SFRP4: variants seen among roughly 807,000 people sequenced by gnomAD.
SFRP4 encodes the protein secreted frizzled related protein 4, also known as secreted frizzled-related protein 4.
SFRP4 carries 25 observed loss-of-function variants against 36.3 expected under a neutral mutation model. That is an observed-to-expected ratio of 0.69 (90% CI 0.50 to 0.96). SFRP4 has a LOEUF of 0.96. Ranked by LOEUF, SFRP4 falls within the 40% of genes least tolerant of loss-of-function variation. The pLI, the probability that SFRP4 is intolerant of heterozygous loss-of-function variation, is 0.00. For missense variants in SFRP4, 487 were observed against 459.6 expected (o/e 1.06, Z -0.54); for synonymous variants, 182 against 168.8 (o/e 1.08, Z -0.60).
chr7:37,914,293 A>G lies in SFRP4; in HGVS notation c.527-15T>C, dbSNP rs759259781. The G allele has an allele frequency of 1.4e-5, 23 of 1,613,996 alleles. No homozygotes were observed. The highest frequency in any genetic ancestry group is 1.9e-5 in the Non-Finnish European group (22 of 1,179,906). ...CTTGCACCGATCTAAAAAAGGCAGAAGAGGCAGAAAGTTGGAAAAAGAACA... is the reference window on the plus strand; with the variant it reads ...CTTGCACCGATCTAAAAAAGGCAGAGGAGGCAGAAAGTTGGAAAAAGAACA... On this transcript the variant is annotated splice_polypyrimidine_tract_variant and intron_variant, in intron 2 of 5. Transcript: ENST00000436072.
At chr7:37,909,913 A>T (rs1348085477) in intron 4 of SFRP4, 1 of 282,862 alleles carries the variant, frequency 3.5e-6, no homozygotes, top group East Asian at 6.3e-5. Flanking sequence ...TTTTGTCATT[A>T]TATGATCTAA....
intron 4 of SFRP4, among the ~76,000 whole-genome samples, chr7:37,911,400 A>G (rs1785483581): frequency 6.6e-6 from 1 of 152,196 alleles, no homozygotes; most frequent in East Asian, 1.9e-4. Flanking sequence ...ATTTTGCTGG[A>G]GAAGTATACT....
rs140085791 is a variant in SFRP4 at position 37,915,512 on chromosome 7, A to G, written c.445+581T>C. Among the ~76,000 whole-genome samples the G allele has an allele frequency of 5.4e-3, 823 of 152,346 alleles. 12 individuals carry two copies. The highest frequency in any genetic ancestry group is 0.018 in the African/African-American group (734 of 41,574). ...GCAGTCAAATGACCAAAGAAAAAAG[A>G]AGGAAGTGGAAGCAGAGATGGGGTT... is the stretch of plus-strand genomic sequence containing the variant. On this transcript the variant is annotated intron_variant, in intron 1 of 5. Transcript: ENST00000436072.
intron 5 of SFRP4, among the ~76,000 whole-genome samples, chr7:37,908,405 A>G (rs1363804876): frequency 6.6e-6 from 1 of 152,236 alleles, no homozygotes; most frequent in Non-Finnish European, 1.5e-5. Context: ...GTTTGACCAC[A>G]GTCATCAGCT....
At chr7:37,915,954 A>C in intron 1 of SFRP4, 139 bp downstream of exon 1, 1 of 1,308,638 alleles carries the variant, frequency 7.6e-7, no homozygotes, top group Non-Finnish European at 1.0e-6. Context: ...TTTCTGAAGA[A>C]AATGTTTCCC....
rs201887265 is a variant in SFRP4, at chr7:37,914,407, C to A, written c.492G>T (p.Arg164Ser). Reference protein sequence around the residue: ...DITPDMMVQERPLDVDCKRLS... With the variant: ...DITPDMMVQESPLDVDCKRLS... ...GGCGTTTACAGTCAACATCAAGAGG[C>A]CTTTCCTGTACCATCATGTCTGGTG... is the stretch of plus-strand genomic sequence containing the variant. Residue 164 changes from arginine (R) to serine (S), a missense_variant, in exon 2 of 6, where the codon AGG becomes AGT. Transcript: ENST00000436072. 2.5e-6 allele frequency: 4 copies of A among 1,614,028 alleles called. No homozygotes were observed. The highest frequency in any genetic ancestry group is 3.4e-6 in the Non-Finnish European group (4 of 1,179,862).
rs1300167132 is a variant in SFRP4 at position 37,907,163 on chromosome 7, A to G, written c.*316T>C. The G allele has an allele frequency of 2.8e-5, 6 of 212,758 alleles. No individual in the cohort carries two copies. Among genetic ancestry groups the G allele is most frequent in the Non-Finnish European group, 5.5e-5 (6 of 108,716 alleles). 13.2% of individuals were successfully genotyped at this position (212,758 alleles called of 1,614,324 possible). On this transcript the variant is annotated 3_prime_UTR_variant, in exon 6 of 6. Coordinates refer to ENST00000436072, the MANE Select transcript of SFRP4 (RefSeq NM_003014.4). Reference sequence around the variant, plus strand: ...TTTTACAATGCACATATTAGGTCGAATTGTAACAAGCATTATTTTCCCTAC... The same window carrying G: ...TTTTACAATGCACATATTAGGTCGAGTTGTAACAAGCATTATTTTCCCTAC...
At chr7:37,909,749 T>TA (rs1206939757) in intron 4 of SFRP4, 69 bp from the exon 5 acceptor site, 17 of 870,704 alleles carry the variant, frequency 2.0e-5, no homozygotes, top group Non-Finnish European at 2.9e-5. Flanking sequence ...ACAGAAATTG[T>TA]AAAAAAATTA....
At chr7:37,914,520 G>C (rs1440855908) in intron 1 of SFRP4, 67 bp from the exon 2 acceptor site, 3 of 1,104,684 alleles carry the variant, frequency 2.7e-6, no homozygotes, top group Non-Finnish European at 4.2e-6. Flanking sequence ...CTGGTATAAA[G>C]AGCCCTCTGA....
rs1012392949 is a variant in SFRP4, at chr7:37,906,024, G to C, written c.*1455C>G. 1 of 152,114 alleles carries C rather than the reference G, an allele frequency of 6.6e-6. No homozygotes were observed. Among genetic ancestry groups the C allele is most frequent in the African/African-American group, 2.4e-5 (1 of 41,440 alleles). 9.4% of individuals were successfully genotyped at this position (152,114 alleles called of 1,614,324 possible). A position where few individuals can be genotyped will look rare whatever the true frequency, so the allele number is the denominator to read the frequency against. The stretch of plus-strand genomic sequence containing the variant: ...AGTTTGTTGAGTAATGCATACTATG[G>C]AATATAACACAGCTGTTAGAAATGA... On this transcript the variant is annotated 3_prime_UTR_variant, in exon 6 of 6. Transcript: ENST00000436072.
At chr7:37,913,887 A>G (rs769653571) in intron 3 of SFRP4, among the ~76,000 whole-genome samples, 52 of 152,204 alleles carry the variant, frequency 3.4e-4, no homozygotes, top group Non-Finnish European at 5.9e-4. Context: ...CCTCAGGAAG[A>G]GAACAGGTGG....
At chr7:37,913,967 T>A (rs1562850860) in intron 3 of SFRP4, among the ~76,000 whole-genome samples, 1 of 152,250 alleles carries the variant, frequency 6.6e-6, no homozygotes, top group Non-Finnish European at 1.5e-5. Flanking sequence ...ATTTTCAATC[T>A]GATGCATGTA....
At chr7:37,910,955 T>C (rs1785477151) in intron 4 of SFRP4, among the ~76,000 whole-genome samples, 2 of 152,254 alleles carry the variant, frequency 1.3e-5, no homozygotes, top group South Asian at 2.1e-4. Flanking sequence ...TGTCTTTACA[T>C]ACCCTTACCA....
intron 3 of SFRP4, among the ~76,000 whole-genome samples, chr7:37,912,629 C>T (rs999829321): frequency 6.6e-5 from 10 of 152,144 alleles, no homozygotes; most frequent in South Asian, 2.1e-4. Flanking sequence ...TGTATTCTTC[C>T]TTGTGGTGAT....
At position 37,907,160 on chromosome 7, in the gene SFRP4, C is replaced by A. The variant is rs971628278; in HGVS notation, c.*319G>T. 1 of 205,464 alleles carries A rather than the reference C, an allele frequency of 4.9e-6. No homozygotes were observed. Among genetic ancestry groups the A allele is most frequent in the Non-Finnish European group, 9.6e-6 (1 of 104,036 alleles). 12.7% of individuals were successfully genotyped at this position (205,464 alleles called of 1,614,324 possible). ...TTATTTTACAATGCACATATTAGGT[C>A]GAATTGTAACAAGCATTATTTTCCC... On this transcript the variant is annotated 3_prime_UTR_variant, in exon 6 of 6. Transcript: ENST00000436072.
intron 4 of SFRP4, among the ~76,000 whole-genome samples, chr7:37,910,021 C>T (rs1785459164): frequency 6.6e-6 from 1 of 151,828 alleles, no homozygotes; most frequent in Non-Finnish European, 1.5e-5. Flanking sequence ...TTCTTTATTG[C>T]TGAATTCCCC....
chr7:37,911,744 C>T (rs775772690), intron 4 of SFRP4, among the ~76,000 whole-genome samples: 3 of 152,236 alleles, frequency 2.0e-5, no homozygotes, highest in Non-Finnish European at 4.4e-5. Context: ...GTCTCAACTC[C>T]CTACTTACTT....
chr7:37,910,724 A>T (rs943838836), intron 4 of SFRP4, among the ~76,000 whole-genome samples: 5 of 152,154 alleles, frequency 3.3e-5, no homozygotes, highest in African/African-American at 1.2e-4. Flanking sequence ...AAATAGGAAT[A>T]TTTTCAACAT....
chr7:37,907,501 C>T lies in SFRP4; in HGVS notation c.1019G>A (p.Arg340Lys), dbSNP rs1802074. 334,897 of 1,611,698 alleles carry T rather than the reference C, an allele frequency of 0.21. 36,456 individuals are homozygous for T. Among genetic ancestry groups the T allele is most frequent in the African/African-American group, 0.35 (25,909 of 74,754 alleles). The change falls in exon 6 of 6, where the codon AGA becomes AAA. Residue 340 changes from arginine (R) to lysine (K), a missense_variant. Transcript: ENST00000436072. ...KNIKTRSAQK[R>K]TNPKRV Reference sequence around the variant, plus strand: ...AGCTCACACTCTTTTCGGGTTTGTTCTCTTCTGGGCACTCCTAGTTTTAAT... The same window carrying T: ...AGCTCACACTCTTTTCGGGTTTGTTTTCTTCTGGGCACTCCTAGTTTTAAT...
Sources: allele counts gnomAD v4.1 joint callset (sites outside exome capture counted in the v4.1 genomes callset), GRCh38; gene constraint gnomAD v4.1.1; transcripts MANE v1.5; gene names NCBI Gene and HGNC (gene_info 2026-07-23, HGNC 2026-07-21).